CIMIP6: variants seen among roughly 807,000 people sequenced by gnomAD.
CIMIP6 encodes ciliary microtubule inner protein 6.
the CIMIP6 span, among the ~76,000 whole-genome samples, chr2:54,353,814 TCTCTATTAG>T: frequency 6.6e-5 from 10 of 152,150 alleles, no homozygotes; most frequent in Non-Finnish European, 1.3e-4. Flanking sequence ...CAATCTGCCA[TCTCTATTAG>T]CTTTGCCCAT....
chr2:54,372,674 GA>G, the CIMIP6 span, among the ~76,000 whole-genome samples: 1 of 152,174 alleles, frequency 6.6e-6, no homozygotes, highest in Admixed American at 6.5e-5. Flanking sequence ...CCAGGCACAT[GA>G]GTGGAAAAGT....
At chr2:54,340,997 A>G in the CIMIP6 span, among the ~76,000 whole-genome samples, 3 of 152,182 alleles carry the variant, frequency 2.0e-5, no homozygotes, top group Non-Finnish European at 2.9e-5. Context: ...ATAATAATTA[A>G]AGTCCATCAG....
the CIMIP6 span, among the ~76,000 whole-genome samples, chr2:54,333,709 C>G: frequency 1.3e-5 from 2 of 151,846 alleles, no homozygotes; most frequent in Non-Finnish European, 2.9e-5. Context: ...GCCAACATGA[C>G]GAAACCCTGT....
At chr2:54,364,503 A>G in the CIMIP6 span, among the ~76,000 whole-genome samples, 5 of 152,322 alleles carry the variant, frequency 3.3e-5, no homozygotes, top group South Asian at 1.0e-3. Flanking sequence ...TAATAATCCT[A>G]TGAAGCAGGG....
chr2:54,346,750 G>A, the CIMIP6 span, among the ~76,000 whole-genome samples: 1 of 152,256 alleles, frequency 6.6e-6, no homozygotes, highest in South Asian at 2.1e-4. Flanking sequence ...GTGCAGTACA[G>A]CTGCTATTAC....
the CIMIP6 span, among the ~76,000 whole-genome samples, chr2:54,353,358 T>C: frequency 6.6e-6 from 1 of 152,148 alleles, no homozygotes; most frequent in Non-Finnish European, 1.5e-5. Flanking sequence ...TTTAGGGCTC[T>C]GAGTCATGTC....
the CIMIP6 span, among the ~76,000 whole-genome samples, chr2:54,350,828 G>C: frequency 6.6e-6 from 1 of 152,158 alleles, no homozygotes; most frequent in Non-Finnish European, 1.5e-5. Flanking sequence ...TGAAAGCACA[G>C]CTAAATGCAG....
At chr2:54,358,213 C>T in the CIMIP6 span, among the ~76,000 whole-genome samples, 5 of 152,172 alleles carry the variant, frequency 3.3e-5, no homozygotes, top group Non-Finnish European at 7.3e-5. Context: ...CTGCAGCAGC[C>T]CTAGAGTCTT....
chr2:54,381,702 C>A, the CIMIP6 span: 1 of 1,192,932 alleles, frequency 8.4e-7, no homozygotes, highest in Non-Finnish European at 1.1e-6. Context: ...CATCCTTTCA[C>A]TCCTGTGCCA....
the CIMIP6 span, among the ~76,000 whole-genome samples, chr2:54,372,961 G>C: frequency 1.8e-4 from 27 of 151,986 alleles, no homozygotes; most frequent in Admixed American, 1.8e-3. Flanking sequence ...GTCACCAATG[G>C]GTCCCTCTGA....
At chr2:54,349,875 G>A in the CIMIP6 span, among the ~76,000 whole-genome samples, 3 of 147,494 alleles carry the variant, frequency 2.0e-5, no homozygotes, top group Admixed American at 6.8e-5. Flanking sequence ...TTGAGACGGA[G>A]TCTCGCTCTG....
chr2:54,381,120 C>G, the CIMIP6 span, among the ~76,000 whole-genome samples: 1 of 152,126 alleles, frequency 6.6e-6, no homozygotes, highest in Non-Finnish European at 1.5e-5. Flanking sequence ...AATTTGAGAT[C>G]ACATTTCCCT....
the CIMIP6 span, among the ~76,000 whole-genome samples, chr2:54,346,455 A>G: frequency 3.3e-5 from 5 of 152,174 alleles, no homozygotes; most frequent in African/African-American, 9.7e-5. Context: ...CCAAACACCT[A>G]CTTAACATCT....
the CIMIP6 span, among the ~76,000 whole-genome samples, chr2:54,333,897 GA>G: frequency 1.3e-5 from 2 of 151,760 alleles, no homozygotes; most frequent in Non-Finnish European, 2.9e-5. Flanking sequence ...TCTCAAAAAG[GA>G]AAAAAAGAAA....
At chr2:54,369,997 C>T in the CIMIP6 span, among the ~76,000 whole-genome samples, 1 of 152,180 alleles carries the variant, frequency 6.6e-6, no homozygotes, top group African/African-American at 2.4e-5. Context: ...GTGGCTCACA[C>T]CTGTAATTCT....
the CIMIP6 span, among the ~76,000 whole-genome samples, chr2:54,336,910 C>T: frequency 6.6e-6 from 1 of 152,364 alleles, no homozygotes; most frequent in African/African-American, 2.4e-5. Context: ...TCCTAGTCTA[C>T]TGCTCTCTGC....
the CIMIP6 span, chr2:54,343,900 T>C: frequency 4.0e-6 from 6 of 1,514,546 alleles, no homozygotes; most frequent in Non-Finnish European, 5.3e-6. Flanking sequence ...GTAAAAACCT[T>C]TTATGTTATC....
the CIMIP6 span, chr2:54,343,730 G>A: frequency 5.7e-6 from 9 of 1,592,034 alleles, no homozygotes; most frequent in Middle Eastern, 5.1e-4. Flanking sequence ...GGTGACTGGT[G>A]GTCACATGGT....
the CIMIP6 span, among the ~76,000 whole-genome samples, chr2:54,354,731 T>C: frequency 6.6e-6 from 1 of 152,112 alleles, no homozygotes; most frequent in Non-Finnish European, 1.5e-5. Flanking sequence ...TGATGGACTC[T>C]TGTGGTTTTT....
Sources: gnomAD v4.1 joint callset for allele counts (sites outside exome capture counted in the v4.1 genomes callset) on GRCh38, gnomAD v4.1.1 for gene constraint, MANE v1.5 for transcripts, NCBI Gene and HGNC (gene_info 2026-07-23, HGNC 2026-07-21) for gene names.